Variants in MEOX2 observed in about 807,000 individuals in gnomAD.
The protein encoded by MEOX2 is homeobox protein MOX-2.
A neutral mutation model predicts 27.0 loss-of-function variants in MEOX2; 11 were observed. That is an observed-to-expected ratio of 0.41 (90% confidence interval 0.26 to 0.68). The LOEUF (loss-of-function observed/expected upper bound fraction) is 0.68, where lower values mean the gene tolerates loss of function less well. MEOX2 is among the 30% of genes least tolerant of loss of function. The pLI, the probability that MEOX2 is intolerant of heterozygous loss-of-function variation, is 0.33. For synonymous variants in MEOX2, 189 were observed against 155.4 expected (o/e 1.22, Z -1.61); for missense variants, 436 against 385.4 (o/e 1.13, Z -1.10).
chr7:15,673,894 C>G (rs1782151238), intron 1 of MEOX2, among the ~76,000 whole-genome samples: 1 of 151,984 alleles, frequency 6.6e-6, no homozygotes, highest in Non-Finnish European at 1.5e-5. Flanking sequence ...GTCTTAAACT[C>G]CTAACATTAA....
At chr7:15,635,703 G>A (rs1781470195) in intron 1 of MEOX2, among the ~76,000 whole-genome samples, 1 of 150,234 alleles carries the variant, frequency 6.7e-6, no homozygotes, top group Non-Finnish European at 1.5e-5. Context: ...TTTTAAAATG[G>A]ACCTCAATCT....
rs1271148422 is a variant in MEOX2, at chr7:15,686,600, C to G, written c.-198G>C. 5.0e-6 allele frequency: 3 copies of G among 595,978 alleles called. No homozygotes were observed. Among genetic ancestry groups the G allele is most frequent in the Non-Finnish European group, 8.9e-6 (3 of 338,370 alleles). The allele number at this position is 595,978 out of a possible 1,614,324, so 36.9% of individuals were successfully genotyped here. ...CTCCTTTACATATGAACAGTCGGAC[C>G]TGGAAGAGCTTCCCTGAGCTACTCA... On this transcript the variant is annotated 5_prime_UTR_variant, in exon 1 of 3. Coordinates refer to ENST00000262041, the MANE Select transcript of MEOX2 (RefSeq NM_005924.5).
chr7:15,667,096 C>T (rs1172828124), intron 1 of MEOX2, among the ~76,000 whole-genome samples: 4 of 150,838 alleles, frequency 2.7e-5, no homozygotes, highest in African/African-American at 9.7e-5. Context: ...TCTAGACCAT[C>T]CTGGCCAACA....
chr7:15,660,998 G>A (rs1179334257), intron 1 of MEOX2, among the ~76,000 whole-genome samples: 2 of 108,858 alleles, frequency 1.8e-5, no homozygotes, highest in African/African-American at 3.8e-5. Context: ...TGGCAACAGA[G>A]CGAGACTCAG....
At chr7:15,616,279 T>C (rs1240660520) in intron 2 of MEOX2, among the ~76,000 whole-genome samples, 11 of 151,838 alleles carry the variant, frequency 7.2e-5, no homozygotes, top group African/African-American at 2.4e-4. Flanking sequence ...AAATACATAA[T>C]GGGCATATCT....
At chr7:15,663,953 A>T (rs1263917078) in intron 1 of MEOX2, among the ~76,000 whole-genome samples, 2 of 152,216 alleles carry the variant, frequency 1.3e-5, no homozygotes, top group African/African-American at 4.8e-5. Flanking sequence ...ACAGACAGAT[A>T]GATGATAGAT....
chr7:15,664,747 A>G (rs913090872), intron 1 of MEOX2, among the ~76,000 whole-genome samples: 1 of 152,146 alleles, frequency 6.6e-6, no homozygotes, highest in Non-Finnish European at 1.5e-5. Context: ...CAAGGGCTGT[A>G]CAGATTTATT....
At chr7:15,639,205 T>TA (rs1170236987) in intron 1 of MEOX2, among the ~76,000 whole-genome samples, 1 of 152,088 alleles carries the variant, frequency 6.6e-6, no homozygotes, top group East Asian at 1.9e-4. Context: ...TAGGGGTTTT[T>TA]ATTTGTATTT....
At chr7:15,683,998 T>C (rs1044635466) in intron 1 of MEOX2, among the ~76,000 whole-genome samples, 1 of 152,216 alleles carries the variant, frequency 6.6e-6, no homozygotes, top group Non-Finnish European at 1.5e-5. Context: ...AAATTAGTTT[T>C]GTTAAATTAT....
chr7:15,675,421 A>G (rs1002179458), intron 1 of MEOX2, among the ~76,000 whole-genome samples: 5 of 152,228 alleles, frequency 3.3e-5, no homozygotes, highest in African/African-American at 1.2e-4. Context: ...TGTTCACTTA[A>G]AAGCAGTAGT....
intron 1 of MEOX2, among the ~76,000 whole-genome samples, chr7:15,641,467 C>T (rs544648994): frequency 6.6e-6 from 1 of 152,010 alleles, no homozygotes; most frequent in Admixed American, 6.6e-5. Flanking sequence ...CTGTTTGCAT[C>T]GTAGATCTTT....
intron 2 of MEOX2, among the ~76,000 whole-genome samples, chr7:15,624,882 A>T (rs1030310565): frequency 6.6e-6 from 1 of 152,330 alleles, no homozygotes; most frequent in African/African-American, 2.4e-5. Context: ...TAATTCTTGC[A>T]TGTAATTCTT....
At chr7:15,679,246 G>T (rs575005223) in intron 1 of MEOX2, 2 of 151,832 alleles carry the variant, frequency 1.3e-5, no homozygotes, top group African/African-American at 4.8e-5. Context: ...TAAAGTAAAC[G>T]CCTTCTTTTA....
At position 15,638,526 on chromosome 7, in the gene MEOX2, A is replaced by G. The variant is rs78584733; in HGVS notation, c.518-11608T>C. ...TTATTTTTTAGGTTCAGAGGCGTAC[A>G]TGTGATGGTCTGTTACGTAGGTATA... On this transcript the variant is annotated intron_variant, in intron 1 of 2. Transcript: ENST00000262041. 5.3e-3 allele frequency among the ~76,000 whole-genome samples: 807 copies of G among 152,226 alleles called. 6 individuals are homozygous for G. Among genetic ancestry groups the G allele is most frequent in the African/African-American group, 0.018 (742 of 41,556 alleles).
intron 1 of MEOX2, among the ~76,000 whole-genome samples, chr7:15,664,447 G>C (rs1429312731): frequency 6.6e-6 from 1 of 152,054 alleles, no homozygotes; most frequent in East Asian, 1.9e-4. Flanking sequence ...ATGAGTCATA[G>C]TTCTGAAATT....
chr7:15,667,085 A>G (rs1395610135), intron 1 of MEOX2, among the ~76,000 whole-genome samples: 1 of 150,826 alleles, frequency 6.6e-6, no homozygotes, highest in Non-Finnish European at 1.5e-5. Flanking sequence ...AAGTCAAGAG[A>G]TCTAGACCAT....
chr7:15,650,692 A>C (rs1260032653), intron 1 of MEOX2, among the ~76,000 whole-genome samples: 3 of 151,952 alleles, frequency 2.0e-5, no homozygotes, highest in Non-Finnish European at 4.4e-5. Context: ...AGAGGGAAAA[A>C]AATTGAGTTT....
intron 1 of MEOX2, among the ~76,000 whole-genome samples, chr7:15,627,243 T>C (rs58533838): frequency 0.016 from 2,374 of 152,196 alleles, 52 homozygotes; most frequent in African/African-American, 0.055. Context: ...GATATGAAGT[T>C]CTGTTTCATA....
intron 2 of MEOX2, among the ~76,000 whole-genome samples, chr7:15,614,416 A>G (rs10230480): frequency 0.67 from 101,575 of 151,170 alleles, 34,331 homozygotes; most frequent in East Asian, 0.81. Context: ...CCTGTCTCAA[A>G]AAGAAAAAAA....
Sources: allele counts gnomAD v4.1 joint callset (sites outside exome capture counted in the v4.1 genomes callset), GRCh38; gene constraint gnomAD v4.1.1; transcripts MANE v1.5; gene names NCBI Gene and HGNC (gene_info 2026-07-23, HGNC 2026-07-21).